SPECC1L: variants seen among roughly 807,000 people sequenced by gnomAD.
The protein encoded by SPECC1L is cytospin-A.
In SPECC1L, 40 loss-of-function variants were observed where a neutral mutation model predicts 116.8. The observed-to-expected ratio is 0.34, with a 90% confidence interval of 0.27 to 0.45. The LOEUF (loss-of-function observed/expected upper bound fraction) is 0.45. Among genes scored for constraint, SPECC1L ranks in the 20% least tolerant of loss-of-function variants. The probability of loss-of-function intolerance (pLI) is 1.00; values close to 1 mark genes in which losing one functional copy is unlikely to be tolerated. For synonymous variants in SPECC1L, 504 were observed against 500.6 expected, an observed-to-expected ratio of 1.01 and a Z score of -0.09; for missense variants, 1,110 against 1,373.6, an observed-to-expected ratio of 0.81 and a Z score of 3.03.
chr22:24,408,105 G>A (rs543102053), intron 14 of SPECC1L, among the ~76,000 whole-genome samples: 1 of 152,292 alleles, frequency 6.6e-6, no homozygotes, highest in East Asian at 1.9e-4. Flanking sequence ...AGGATGCCTA[G>A]GGCAAGGGTT....
chr22:24,319,962 G>A (rs1310348090), intron 4 of SPECC1L, among the ~76,000 whole-genome samples: 1 of 152,130 alleles, frequency 6.6e-6, no homozygotes, highest in Non-Finnish European at 1.5e-5. Context: ...AGGTGCGGTG[G>A]CTCACGCCTG....
chr22:24,296,254 T>C (rs1324778537), intron 2 of SPECC1L, among the ~76,000 whole-genome samples: 1 of 152,198 alleles, frequency 6.6e-6, no homozygotes, highest in African/African-American at 2.4e-5. Context: ...CCTGGGATCA[T>C]GTGAGGATCC....
At chr22:24,290,522 TCAG>T (rs2049137911) in intron 2 of SPECC1L, among the ~76,000 whole-genome samples, 2 of 152,254 alleles carry the variant, frequency 1.3e-5, no homozygotes, top group Admixed American at 1.3e-4. Context: ...AAGTTGTGCC[TCAG>T]TCAGTAAGCA....
chr22:24,369,872 C>G (rs990939411), intron 14 of SPECC1L, among the ~76,000 whole-genome samples: 1 of 152,188 alleles, frequency 6.6e-6, no homozygotes, highest in Non-Finnish European at 1.5e-5. Context: ...CTCTAATTCT[C>G]CATACAAAAG....
chr22:24,382,253 A>C (rs997203367), intron 14 of SPECC1L, among the ~76,000 whole-genome samples: 1 of 152,122 alleles, frequency 6.6e-6, no homozygotes, highest in Non-Finnish European at 1.5e-5. Context: ...TTTTTCCCTT[A>C]GGGCGGTGGC....
At chr22:24,337,272 TAA>T (rs1310922315) in intron 9 of SPECC1L, among the ~76,000 whole-genome samples, 1 of 152,210 alleles carries the variant, frequency 6.6e-6, no homozygotes, top group Non-Finnish European at 1.5e-5. Context: ...AATGAAGTAG[TAA>T]CACATACTTT....
At chr22:24,280,540 C>T (rs998130913) in intron 2 of SPECC1L, among the ~76,000 whole-genome samples, 9 of 150,688 alleles carry the variant, frequency 6.0e-5, no homozygotes, top group Non-Finnish European at 1.0e-4. Flanking sequence ...ACCACAGCCA[C>T]TACAGATGTG....
chr22:24,401,768 CT>C (rs2042479290), intron 14 of SPECC1L, among the ~76,000 whole-genome samples: 1 of 152,328 alleles, frequency 6.6e-6, no homozygotes, highest in Middle Eastern at 3.4e-3. Context: ...TTCCTGTTGG[CT>C]GTGGATTCAG....
In SPECC1L at chr22:24,330,448, C is replaced by G; in HGVS notation, c.2396+17C>G. The stretch of plus-strand genomic sequence containing the variant: ...GTCACGCAAGTAAGTTCTGAGAAAC[C>G]TGTTGTGTACTTATGTTTCAGTAGA... On this transcript the variant is annotated intron_variant, in intron 8 of 16. Transcript: ENST00000314328. 1 of 1,613,522 alleles carries G rather than the reference C, an allele frequency of 6.2e-7. No homozygotes were observed. Among genetic ancestry groups the G allele is most frequent in the South Asian group, 1.1e-5 (1 of 91,060 alleles).
intron 11 of SPECC1L, among the ~76,000 whole-genome samples, chr22:24,358,321 T>C (rs1196940395): frequency 6.6e-6 from 1 of 152,080 alleles, no homozygotes; most frequent in African/African-American, 2.4e-5. Context: ...TTGCCCAGGC[T>C]GGTCTTAAAC....
intron 11 of SPECC1L, 36 bp downstream of exon 11, chr22:24,347,212 T>C (rs749967300): frequency 1.9e-6 from 3 of 1,540,056 alleles, no homozygotes; most frequent in African/African-American, 2.7e-5. Flanking sequence ...CACCTTTTTT[T>C]CAATTTTTGA....
At chr22:24,408,403 G>T (rs145575552) in intron 14 of SPECC1L, among the ~76,000 whole-genome samples, 1 of 152,372 alleles carries the variant, frequency 6.6e-6, no homozygotes, top group Non-Finnish European at 1.5e-5. Flanking sequence ...AATGTAGCAG[G>T]TCTTACCCTC....
intron 11 of SPECC1L, among the ~76,000 whole-genome samples, chr22:24,349,014 C>T (rs986579554): frequency 6.6e-6 from 1 of 152,104 alleles, no homozygotes; most frequent in African/African-American, 2.4e-5. Context: ...GCTTCTTCTT[C>T]CTCTCCTGTG....
chr22:24,337,158 A>T (rs2041076487), intron 9 of SPECC1L, among the ~76,000 whole-genome samples: 1 of 152,216 alleles, frequency 6.6e-6, no homozygotes, highest in South Asian at 2.1e-4. Context: ...CTCTGCTCAC[A>T]ATAGCTAATA....
Position 24,322,387 on chromosome 22 carries a change from T to G in SPECC1L, c.1407T>G (p.Leu469=), listed in dbSNP as rs112546920. 9.3e-6 allele frequency: 15 copies of G among 1,614,188 alleles called. No individual in the cohort carries two copies. Among genetic ancestry groups the G allele is most frequent in the African/African-American group, 8.0e-5 (6 of 75,042 alleles). The change falls in exon 5 of 17, where the codon CTT becomes CTG. Residue 469 remains leucine, a synonymous_variant. Coordinates refer to ENST00000314328, the MANE Select transcript of SPECC1L (RefSeq NM_015330.6). ...GACAGATTGAATACTTCCGCTCTCT[T>G]CTAGATGAGCATCACATTTCTTATG... The part of the protein sequence containing the change: ...FSRQIEYFRS[L]LDEHHISYVI...
At chr22:24,281,980 A>AT (rs981336970) in intron 2 of SPECC1L, among the ~76,000 whole-genome samples, 40 of 152,240 alleles carry the variant, frequency 2.6e-4, no homozygotes, top group Admixed American at 3.9e-4. Context: ...CTCCCTGAGC[A>AT]TTTGAGGAGC....
intron 2 of SPECC1L, among the ~76,000 whole-genome samples, chr22:24,288,615 CTTTTTTTTTTTTTTTTTT>C (rs756714389): frequency 4.9e-5 from 3 of 61,674 alleles, no homozygotes; most frequent in East Asian, 6.3e-4. Flanking sequence ...AAATTTTAAG[CTTTTTTTTTTTTTTTTTT>C]TTTTTTTTTT....
At chr22:24,334,367 T>C (rs1224565145) in intron 8 of SPECC1L, 43 bp from the exon 9 acceptor site, 2 of 1,603,382 alleles carry the variant, frequency 1.2e-6, no homozygotes, top group South Asian at 2.2e-5. Flanking sequence ...GTGTATGTTC[T>C]AGTACCTATG....
intron 14 of SPECC1L, among the ~76,000 whole-genome samples, chr22:24,410,497 C>G (rs532222084): frequency 1.3e-5 from 2 of 152,340 alleles, no homozygotes; most frequent in South Asian, 4.1e-4. Flanking sequence ...CTGAGGAGCC[C>G]TGTACTCATC....
Sources: allele counts gnomAD v4.1 joint callset (sites outside exome capture counted in the v4.1 genomes callset), GRCh38; gene constraint gnomAD v4.1.1; transcripts MANE v1.5; gene names NCBI Gene and HGNC (gene_info 2026-07-23, HGNC 2026-07-21).